The following EFL1 variants were observed in gnomAD, a reference collection of about 807,000 sequenced individuals.
EFL1 encodes the protein elongation factor-like GTPase 1.
A neutral mutation model predicts 126.7 loss-of-function variants in EFL1; 76 were observed. The observed-to-expected ratio is 0.60, with a 90% CI of 0.50 to 0.73. The LOEUF is 0.73. Among genes scored for constraint, EFL1 ranks in the 30% least tolerant of loss-of-function variants. EFL1 has a pLI of 0.00. For synonymous variants in EFL1, 410 were observed against 448.4 expected (o/e 0.91, Z 1.08); for missense variants, 1,128 against 1,343.2 (o/e 0.84, Z 2.50).
At chr15:82,259,709 T>C (rs2075096472) in intron 2 of EFL1, among the ~76,000 whole-genome samples, 1 of 152,214 alleles carries the variant, frequency 6.6e-6, no homozygotes, top group African/African-American at 2.4e-5. Context: ...AGATTTTATG[T>C]GATATAAACA....
At chr15:82,243,727 A>ACT (rs1567077138) in intron 4 of EFL1, among the ~76,000 whole-genome samples, 2 of 140,832 alleles carry the variant, frequency 1.4e-5, no homozygotes, top group African/African-American at 5.5e-5. Context: ...TTTAGGGAAT[A>ACT]GTCAGAAAAA....
Position 82,241,185 on chromosome 15 carries a change from T to C in EFL1, c.378+85A>G, listed in dbSNP as rs2074927098. ...TGAAATATAAAACCAATGTTGTGAT[T>C]GTCAGTGAAATGCCTAAAGTCAGTC... On this transcript the variant is annotated intron_variant, in intron 5 of 19. Coordinates refer to ENST00000268206, the MANE Select transcript of EFL1 (RefSeq NM_024580.6). 2.0e-6 allele frequency: 3 copies of C among 1,486,464 alleles called. No homozygotes were observed. In the East Asian group the frequency reaches 6.8e-5, roughly 34 times the overall value. The allele number at this position is 1,486,464 out of a possible 1,614,324, so 92.1% of individuals were successfully genotyped here. A position where few individuals can be genotyped will look rare whatever the true frequency, so the allele number is the denominator to read the frequency against.
At chr15:82,230,712 TATATA>T (rs1567072443) in intron 8 of EFL1, 131 bp downstream of exon 8, 1 of 1,032,276 alleles carries the variant, frequency 9.7e-7, no homozygotes, top group East Asian at 2.8e-5. Flanking sequence ...CTTTCCCAAT[TATATA>T]CAGTAAAAAA....
Position 82,231,943 on chromosome 15 carries a change from C to T in EFL1, c.732-972G>A, listed in dbSNP as rs552452944. On this transcript the variant is annotated intron_variant, in intron 7 of 19. Transcript: ENST00000268206. ...AAGATTCAGGCCTCCTCCTGGCTTC[C>T]GGTGTTTCAGCACACCCAGAACGGC... Among the ~76,000 whole-genome samples the T allele has an allele frequency of 7.9e-5, 12 of 152,248 alleles. No individual in the cohort carries two copies. In the East Asian group the frequency reaches 9.6e-4, roughly 12 times the overall value.
At chr15:82,241,113 G>A (rs1316879795) in intron 5 of EFL1, among the ~76,000 whole-genome samples, 157 bp downstream of exon 5, 1 of 152,176 alleles carries the variant, frequency 6.6e-6, no homozygotes, top group East Asian at 1.9e-4. Flanking sequence ...GATCCCTTCA[G>A]AACTCTGGTG....
chr15:82,211,549 T>TACACACACAC (rs35812924), intron 15 of EFL1, among the ~76,000 whole-genome samples: 2,987 of 94,272 alleles, frequency 0.032, 85 homozygotes, highest in Middle Eastern at 0.062. Flanking sequence ...AAAATCTATA[T>TACACACACAC]ACACACACAC....
chr15:82,132,173 T>A (rs964197154), intron 19 of EFL1, among the ~76,000 whole-genome samples: 1 of 152,180 alleles, frequency 6.6e-6, no homozygotes, highest in African/African-American at 2.4e-5. Flanking sequence ...GCCACAACTG[T>A]GCTTCTTGCT....
chr15:82,159,760 C>T lies in EFL1; in HGVS notation c.1883-1900G>A, dbSNP rs1322593028. 7.2e-5 allele frequency among the ~76,000 whole-genome samples: 11 copies of T among 152,062 alleles called. 1 individual carries two copies. The highest frequency in any genetic ancestry group is 7.2e-4 in the Admixed American group (11 of 15,266). ...TAGATGTTCACTATATACATTTTAC[C>T]AAAACCTTTTAATAATTGGGAAAAT... On this transcript the variant is annotated intron_variant, in intron 16 of 19. Coordinates refer to ENST00000268206, the MANE Select transcript of EFL1 (RefSeq NM_024580.6).
chr15:82,260,908 C>A (rs1372294428), intron 2 of EFL1, among the ~76,000 whole-genome samples: 1 of 152,148 alleles, frequency 6.6e-6, no homozygotes, highest in African/African-American at 2.4e-5. Flanking sequence ...GCTGTGGTTA[C>A]CTAAACTACC....
intron 15 of EFL1, among the ~76,000 whole-genome samples, chr15:82,165,915 T>C (rs777457450): frequency 6.6e-6 from 1 of 152,162 alleles, no homozygotes; most frequent in African/African-American, 2.4e-5. Context: ...GTGTACTTCT[T>C]TGGTCAAAGT....
chr15:82,262,427 T>C (rs887100666), intron 1 of EFL1, 187 bp downstream of exon 1: 1 of 176,582 alleles, frequency 5.7e-6, no homozygotes, highest in Non-Finnish European at 1.2e-5. Flanking sequence ...TTGAGGATCC[T>C]GGGTCCACAC....
At position 82,164,128 on chromosome 15, in the gene EFL1, G is replaced by T. The variant is rs577271057; in HGVS notation, c.1751-144C>A. On this transcript the variant is annotated intron_variant, in intron 15 of 19. Transcript: ENST00000268206. The stretch of plus-strand genomic sequence containing the variant: ...GCAAGAAATGAGGCGGACCTGCACT[G>T]TTTTTTTTTTTGTACACCTGGATAC... 2.6e-3 allele frequency: 2,002 copies of T among 769,832 alleles called. 5 individuals are homozygous for T. The highest frequency in any genetic ancestry group is 3.4e-3 in the Non-Finnish European group (1,847 of 544,342). 47.7% of individuals were successfully genotyped at this position (769,832 alleles called of 1,614,324 possible).
At chr15:82,222,979 G>C (rs1238366007) in intron 12 of EFL1, among the ~76,000 whole-genome samples, 1 of 152,184 alleles carries the variant, frequency 6.6e-6, no homozygotes, top group African/African-American at 2.4e-5. Context: ...TCCTGTAACA[G>C]TCCCACACTT....
At chr15:82,140,706 C>T (rs2073777397) in intron 18 of EFL1, among the ~76,000 whole-genome samples, 1 of 152,180 alleles carries the variant, frequency 6.6e-6, no homozygotes, top group Non-Finnish European at 1.5e-5. Flanking sequence ...TCAAATTTAA[C>T]ATGTCTAAGA....
intron 15 of EFL1, among the ~76,000 whole-genome samples, chr15:82,207,295 T>TAC (rs933596149): frequency 8.4e-6 from 1 of 119,386 alleles, no homozygotes; most frequent in African/African-American, 4.0e-5. Flanking sequence ...TGTATATATA[T>TAC]ATATATATAT....
chr15:82,175,028 C>T (rs2074179471), intron 15 of EFL1, among the ~76,000 whole-genome samples: 1 of 152,186 alleles, frequency 6.6e-6, no homozygotes, highest in Admixed American at 6.5e-5. Flanking sequence ...CTAGTAATGA[C>T]TAATACTTAT....
In EFL1 at chr15:82,261,805, T is replaced by G. The variant is rs768366244; in HGVS notation, c.-19-8A>C. ...ATTACTTATTTCCTGTGACTAAAAA[T>G]TAAATATGTATTACAAATGGCCCAG... is the stretch of plus-strand genomic sequence containing the variant. On this transcript the variant is annotated splice_region_variant and splice_polypyrimidine_tract_variant and intron_variant, in intron 1 of 19. Transcript: ENST00000268206. The G allele has an allele frequency of 3.1e-6, 5 of 1,603,812 alleles. No homozygotes were observed. In the African/African-American group the frequency reaches 5.4e-5, roughly 17 times the overall value.
intron 15 of EFL1, among the ~76,000 whole-genome samples, chr15:82,197,576 A>G (rs1259041459): frequency 6.6e-6 from 1 of 152,232 alleles, no homozygotes; most frequent in African/African-American, 2.4e-5. Context: ...ACTAAACAGC[A>G]TATATTTTCA....
chr15:82,260,639 A>G (rs1451250141), intron 2 of EFL1, among the ~76,000 whole-genome samples: 1 of 152,190 alleles, frequency 6.6e-6, no homozygotes, highest in Non-Finnish European at 1.5e-5. Context: ...ATAGCCTATA[A>G]AGCAGGTATA....
Sources: gnomAD v4.1 joint callset for allele counts (sites outside exome capture counted in the v4.1 genomes callset) on GRCh38, gnomAD v4.1.1 for gene constraint, MANE v1.5 for transcripts, NCBI Gene and HGNC (gene_info 2026-07-23, HGNC 2026-07-21) for gene names.